Variants in TMEFF2 observed in about 807,000 individuals in gnomAD.
TMEFF2 encodes tomoregulin-2.
In TMEFF2, 28 loss-of-function variants were observed where a neutral mutation model predicts 53.8. The ratio of observed to expected loss-of-function variants is 0.52; its 90% CI spans 0.39 to 0.71. The LOEUF (loss-of-function observed/expected upper bound fraction) is 0.71, where lower values mean the gene tolerates loss of function less well. TMEFF2 is among the 30% of genes least tolerant of loss of function. The probability of loss-of-function intolerance (pLI) is 0.00; values close to 1 mark genes in which losing one functional copy is unlikely to be tolerated. For synonymous variants in TMEFF2, 162 were observed against 166.3 expected (o/e 0.97, Z 0.20); for missense variants, 353 against 455.2 (o/e 0.78, Z 2.04).
At position 192,114,535 on chromosome 2, in the gene TMEFF2, C is replaced by CTA. The variant is rs143382529; in HGVS notation, c.440-56762_440-56761dup. Among the ~76,000 whole-genome samples, 524 of 147,934 alleles carry CTA rather than the reference C, an allele frequency of 3.5e-3. 1 individual carries two copies. Among genetic ancestry groups the CTA allele is most frequent in the African/African-American group, 9.9e-3 (403 of 40,536 alleles). ...GTCTTTGTTTACAGATGACATAATC[C>CTA]TATATATATATATATAACTCTAAAG... On this transcript the variant is annotated intron_variant, in intron 4 of 9. Coordinates refer to ENST00000272771, the MANE Select transcript of TMEFF2 (RefSeq NM_016192.4).
intron 5 of TMEFF2, among the ~76,000 whole-genome samples, chr2:192,024,983 A>G (rs184389629): frequency 9.2e-5 from 14 of 152,312 alleles, no homozygotes; most frequent in Non-Finnish European, 1.3e-4. Flanking sequence ...GAGAGGCCCG[A>G]ACAAAGAGGG....
In TMEFF2 at chr2:192,004,996, C is replaced by T. The variant is rs554954245; in HGVS notation, c.537-5788G>A. ...TCAGTCTTTTGACATTTTGACACTG[C>T]GATTACATAGATCTCTTTTCTTCTA... On this transcript the variant is annotated intron_variant, in intron 5 of 9. Transcript: ENST00000272771. 2.3e-4 allele frequency among the ~76,000 whole-genome samples: 35 copies of T among 152,116 alleles called. 1 individual carries two copies. The South Asian group carries it at 7.1e-3, about 31-fold the overall frequency.
intron 5 of TMEFF2, among the ~76,000 whole-genome samples, chr2:192,012,653 G>A (rs557542032): frequency 5.3e-4 from 80 of 151,734 alleles, no homozygotes; most frequent in Non-Finnish European, 9.0e-4. Flanking sequence ...TTTCCTAATC[G>A]GCAAAAGTAC....
intron 4 of TMEFF2, among the ~76,000 whole-genome samples, chr2:192,128,270 AC>A (rs1299475788): frequency 1.3e-5 from 2 of 152,220 alleles, no homozygotes; most frequent in Non-Finnish European, 2.9e-5. Flanking sequence ...CTACTTTTAT[AC>A]TATGTAAGAA....
intron 7 of TMEFF2, among the ~76,000 whole-genome samples, chr2:191,976,903 C>T (rs1685743039): frequency 6.6e-6 from 1 of 151,978 alleles, no homozygotes; most frequent in Non-Finnish European, 1.5e-5. Context: ...TCCTTTTTTC[C>T]TATCTGTGAC....
At chr2:192,026,028 T>C (rs1686963149) in intron 5 of TMEFF2, among the ~76,000 whole-genome samples, 2 of 151,982 alleles carry the variant, frequency 1.3e-5, no homozygotes, top group Non-Finnish European at 2.9e-5. Flanking sequence ...GGGAAGAAAA[T>C]GGTAAAGAAA....
intron 5 of TMEFF2, among the ~76,000 whole-genome samples, chr2:192,051,022 G>C (rs561442664): frequency 6.6e-6 from 1 of 152,090 alleles, no homozygotes; most frequent in Non-Finnish European, 1.5e-5. Flanking sequence ...CTACTCTTCA[G>C]TTCCCACTCA....
chr2:192,136,466 A>G (rs1690010385), intron 4 of TMEFF2, among the ~76,000 whole-genome samples: 1 of 152,184 alleles, frequency 6.6e-6, no homozygotes, highest in Non-Finnish European at 1.5e-5. Flanking sequence ...TAATTCTTAA[A>G]TTAGCACTTA....
At chr2:192,168,910 T>C (rs1263731831) in intron 4 of TMEFF2, among the ~76,000 whole-genome samples, 1 of 152,044 alleles carries the variant, frequency 6.6e-6, no homozygotes, top group African/African-American at 2.4e-5. Flanking sequence ...TTGCTATTTA[T>C]AGCCACTATC....
chr2:192,146,037 A>G (rs1690243113), intron 4 of TMEFF2, among the ~76,000 whole-genome samples: 1 of 152,012 alleles, frequency 6.6e-6, no homozygotes, highest in Non-Finnish European at 1.5e-5. Flanking sequence ...TGTGTTTACT[A>G]TCACAAGACA....
intron 4 of TMEFF2, among the ~76,000 whole-genome samples, chr2:192,077,144 G>A (rs1295388826): frequency 6.6e-6 from 1 of 152,156 alleles, no homozygotes; most frequent in Non-Finnish European, 1.5e-5. Context: ...TTCCTGACCA[G>A]AAGGTGGAAA....
At chr2:192,046,253 A>G (rs770296527) in intron 5 of TMEFF2, among the ~76,000 whole-genome samples, 20 of 152,180 alleles carry the variant, frequency 1.3e-4, no homozygotes, top group Non-Finnish European at 1.9e-4. Context: ...AGTCCCAGCT[A>G]CTTGGGAGGC....
chr2:192,129,759 T>C (rs183619450), intron 4 of TMEFF2, among the ~76,000 whole-genome samples: 1 of 152,316 alleles, frequency 6.6e-6, no homozygotes, highest in African/African-American at 2.4e-5. Context: ...CAAGCAAGAT[T>C]GAGGCCCACA....
intron 5 of TMEFF2, among the ~76,000 whole-genome samples, chr2:192,015,547 C>A (rs978247883): frequency 1.3e-5 from 2 of 151,938 alleles, no homozygotes; most frequent in South Asian, 2.1e-4. Context: ...CAGCAGAAAG[C>A]ACAAGCCTTT....
intron 4 of TMEFF2, among the ~76,000 whole-genome samples, chr2:192,148,126 C>G (rs987552869): frequency 1.3e-5 from 2 of 151,956 alleles, no homozygotes; most frequent in Admixed American, 6.6e-5. Flanking sequence ...TCAATTTGGG[C>G]TATATTTCAA....
intron 5 of TMEFF2, among the ~76,000 whole-genome samples, chr2:192,045,166 C>T (rs891781634): frequency 2.0e-5 from 3 of 152,182 alleles, no homozygotes; most frequent in Non-Finnish European, 4.4e-5. Flanking sequence ...ACAGCTACCA[C>T]CTGAAAGTGG....
At chr2:191,988,355 G>A (rs1686027338) in intron 7 of TMEFF2, among the ~76,000 whole-genome samples, 1 of 152,132 alleles carries the variant, frequency 6.6e-6, no homozygotes, top group Non-Finnish European at 1.5e-5. Flanking sequence ...CTAGGGGTGT[G>A]AGGATAGCTC....
At chr2:192,075,082 G>A (rs564448403) in intron 4 of TMEFF2, among the ~76,000 whole-genome samples, 3 of 150,938 alleles carry the variant, frequency 2.0e-5, no homozygotes, top group South Asian at 2.1e-4. Flanking sequence ...TCTTAATGAC[G>A]AGCATCAATA....
chr2:192,069,706 G>A (rs996426986), intron 4 of TMEFF2, among the ~76,000 whole-genome samples: 1 of 151,670 alleles, frequency 6.6e-6, no homozygotes, highest in African/African-American at 2.4e-5. Context: ...ATGAGTTTTA[G>A]AGAAAATTTT....
Sources: gnomAD v4.1 joint callset for allele counts (sites outside exome capture counted in the v4.1 genomes callset) on GRCh38, gnomAD v4.1.1 for gene constraint, MANE v1.5 for transcripts, NCBI Gene and HGNC (gene_info 2026-07-23, HGNC 2026-07-21) for gene names.